The following KIAA0825 variants were observed in gnomAD, a reference collection of about 807,000 sequenced individuals.
KIAA0825 encodes KIAA0825.
Under a neutral mutation model 147.6 loss-of-function variants are expected in KIAA0825, and 119 were observed. The observed-to-expected ratio is 0.81, with a 90% CI of 0.69 to 0.94. The LOEUF (loss-of-function observed/expected upper bound fraction) is 0.94. Ranked by LOEUF, KIAA0825 falls within the 40% of genes least tolerant of loss-of-function variation. KIAA0825 has a pLI of 0.00. For synonymous variants in KIAA0825, 470 were observed against 518.1 expected, an observed-to-expected ratio of 0.91 and a Z score of 1.26; for missense variants, 1,381 against 1,472.7, an observed-to-expected ratio of 0.94 and a Z score of 1.02.
chr5:94,258,900 A>G (rs760359011), intron 20 of KIAA0825, among the ~76,000 whole-genome samples: 5 of 152,046 alleles, frequency 3.3e-5, no homozygotes, highest in Non-Finnish European at 5.9e-5. Flanking sequence ...GAAGGTTGCT[A>G]TGCCATTTTG....
chr5:94,590,136 A>G (rs902447038), intron 1 of KIAA0825, among the ~76,000 whole-genome samples: 2 of 152,128 alleles, frequency 1.3e-5, no homozygotes, highest in African/African-American at 4.8e-5. Flanking sequence ...CTGGGACTAC[A>G]GGCATGCGCC....
chr5:94,383,664 C>CT (rs568012610), intron 20 of KIAA0825, among the ~76,000 whole-genome samples: 2 of 152,090 alleles, frequency 1.3e-5, no homozygotes, highest in East Asian at 1.9e-4. Flanking sequence ...TTTACTGAAA[C>CT]TTTAAGTATT....
At chr5:94,472,331 G>T (rs1761305422) in intron 8 of KIAA0825, among the ~76,000 whole-genome samples, 1 of 152,144 alleles carries the variant, frequency 6.6e-6, no homozygotes, top group African/African-American at 2.4e-5. Context: ...GAGGTGTGAT[G>T]AATGGAAAAG....
chr5:94,527,998 T>TA lies in KIAA0825; in HGVS notation c.132-3901dup, dbSNP rs987444668. Among the ~76,000 whole-genome samples, 18 of 151,770 alleles carry TA rather than the reference T, an allele frequency of 1.2e-4. No homozygotes were observed. The East Asian group carries it at 2.7e-3, about 23-fold the overall frequency. On this transcript the variant is annotated intron_variant, in intron 3 of 20. Coordinates refer to ENST00000682413, the MANE Select transcript of KIAA0825 (RefSeq NM_001145678.3). ...TTTAAAAAAGAATAGTTAAAAAAAG[T>TA]AAAAAAAAGAATAGTTAAAAAGTTA...
At chr5:94,454,985 C>T (rs1306701652) in intron 12 of KIAA0825, among the ~76,000 whole-genome samples, 5 of 152,170 alleles carry the variant, frequency 3.3e-5, no homozygotes, top group Non-Finnish European at 5.9e-5. Flanking sequence ...AACGAAGAAG[C>T]TTAGGATACA....
chr5:94,410,040 C>T (rs868760578), intron 15 of KIAA0825, among the ~76,000 whole-genome samples: 14 of 151,622 alleles, frequency 9.2e-5, no homozygotes, highest in Non-Finnish European at 1.9e-4. Flanking sequence ...GATGATGGAA[C>T]GAGCAAACAA....
intron 12 of KIAA0825, among the ~76,000 whole-genome samples, chr5:94,461,182 T>C (rs1290540336): frequency 6.6e-6 from 1 of 152,028 alleles, no homozygotes; most frequent in Non-Finnish European, 1.5e-5. Context: ...TAATAATTTA[T>C]TTGTTTTACA....
chr5:94,404,585 A>C (rs1486336150), intron 15 of KIAA0825, among the ~76,000 whole-genome samples: 1 of 152,194 alleles, frequency 6.6e-6, no homozygotes, highest in Non-Finnish European at 1.5e-5. Context: ...GCATAGGAAG[A>C]ATAGAGTAAC....
At chr5:94,593,167 C>A (rs1172237953) in intron 1 of KIAA0825, 4 of 748,262 alleles carry the variant, frequency 5.3e-6, no homozygotes, top group Non-Finnish European at 1.0e-5. Flanking sequence ...GGCCCACGAT[C>A]CGCTAGTTGA....
chr5:94,186,872 G>T (rs975542919), intron 20 of KIAA0825, among the ~76,000 whole-genome samples: 5 of 152,122 alleles, frequency 3.3e-5, no homozygotes, highest in Admixed American at 6.5e-5. Flanking sequence ...ACATGAGGGT[G>T]GGCACATATA....
intron 20 of KIAA0825, among the ~76,000 whole-genome samples, chr5:94,327,311 T>G (rs1780794439): frequency 6.6e-6 from 1 of 152,032 alleles, no homozygotes; most frequent in Non-Finnish European, 1.5e-5. Context: ...TTTATTTACA[T>G]TTCCAGGAAA....
intron 3 of KIAA0825, among the ~76,000 whole-genome samples, chr5:94,533,691 A>T (rs1771390434): frequency 6.6e-6 from 1 of 152,214 alleles, no homozygotes; most frequent in African/African-American, 2.4e-5. Context: ...GGAACTAATG[A>T]TACGGAGGTA....
chr5:94,513,117 A>C (rs1473142122), intron 5 of KIAA0825, among the ~76,000 whole-genome samples: 1 of 152,206 alleles, frequency 6.6e-6, no homozygotes, highest in Admixed American at 6.5e-5. Context: ...CACTTTTAGT[A>C]TAGTTTTATT....
intron 1 of KIAA0825, among the ~76,000 whole-genome samples, 194 bp from the exon 2 acceptor site, chr5:94,582,777 A>G (rs939873976): frequency 6.6e-6 from 1 of 152,214 alleles, no homozygotes; most frequent in Non-Finnish European, 1.5e-5. Context: ...TATTAATAAG[A>G]TAGTCCATAG....
chr5:94,435,777 G>A (rs1004903856), intron 14 of KIAA0825, among the ~76,000 whole-genome samples: 3 of 152,016 alleles, frequency 2.0e-5, no homozygotes, highest in African/African-American at 7.2e-5. Context: ...AACCTTTCCA[G>A]CATCTGTTAT....
At chr5:94,577,469 C>A (rs1314245323) in intron 2 of KIAA0825, among the ~76,000 whole-genome samples, 1 of 152,136 alleles carries the variant, frequency 6.6e-6, no homozygotes, top group Non-Finnish European at 1.5e-5. Context: ...TAATTTAAGC[C>A]AAAATACCAG....
At position 94,153,775 on chromosome 5, in the gene KIAA0825, T is replaced by A; in HGVS notation, c.*232A>T. 2.8e-6 allele frequency: 1 copy of A among 357,346 alleles called. No homozygotes were observed. The highest frequency in any genetic ancestry group is 5.0e-6 in the Non-Finnish European group (1 of 199,780). The allele number at this position is 357,346 out of a possible 1,614,324, so 22.1% of individuals were successfully genotyped here. A position where few individuals can be genotyped will look rare whatever the true frequency, so the allele number is the denominator to read the frequency against. On this transcript the variant is annotated 3_prime_UTR_variant, in exon 21 of 21. Coordinates refer to ENST00000682413, the MANE Select transcript of KIAA0825 (RefSeq NM_001145678.3). Reference sequence around the variant, plus strand: ...GGAACACGAGATGGCAGCAGTTATATCATATAAAGAGAAAGATTGGGGAAA... The same window carrying A: ...GGAACACGAGATGGCAGCAGTTATAACATATAAAGAGAAAGATTGGGGAAA...
chr5:94,582,197 G>A (rs115311660), intron 2 of KIAA0825, among the ~76,000 whole-genome samples: 2,735 of 152,244 alleles, frequency 0.018, 65 homozygotes, highest in African/African-American at 0.053. Flanking sequence ...GAGAGATGCC[G>A]GTGGCCCTGC....
At chr5:94,370,866 T>C (rs1746598562) in intron 20 of KIAA0825, among the ~76,000 whole-genome samples, 1 of 151,962 alleles carries the variant, frequency 6.6e-6, no homozygotes, top group South Asian at 2.1e-4. Flanking sequence ...GCTGAGATCA[T>C]GCCACTGCAC....
Sources: allele counts gnomAD v4.1 joint callset (sites outside exome capture counted in the v4.1 genomes callset), GRCh38; gene constraint gnomAD v4.1.1; transcripts MANE v1.5; gene names NCBI Gene and HGNC (gene_info 2026-07-23, HGNC 2026-07-21).